TNFRSF8: variants seen among roughly 807,000 people sequenced by gnomAD.
TNFRSF8 encodes TNF receptor superfamily member 8.
Under a neutral mutation model 70.8 loss-of-function variants are expected in TNFRSF8, and 26 were observed. The ratio of observed to expected loss-of-function variants is 0.37; its 90% confidence interval spans 0.27 to 0.51. The LOEUF is 0.51. TNFRSF8 is among the 20% of genes least tolerant of loss of function. The pLI is 0.94. For synonymous variants in TNFRSF8, 356 were observed against 339.2 expected (o/e 1.05, Z -0.54); for missense variants, 720 against 807.9 (o/e 0.89, Z 1.32).
intron 1 of TNFRSF8, among the ~76,000 whole-genome samples, chr1:12,076,084 T>TC (rs1557574912): frequency 8.8e-6 from 1 of 113,440 alleles, no homozygotes; most frequent in Non-Finnish European, 1.8e-5. Flanking sequence ...CTTGGTTTTA[T>TC]TCTTTTTTTT....
intron 3 of TNFRSF8, among the ~76,000 whole-genome samples, chr1:12,099,142 T>C (rs1641377094): frequency 6.6e-6 from 1 of 152,066 alleles, no homozygotes; most frequent in African/African-American, 2.4e-5. Flanking sequence ...CTGTTGCCTA[T>C]ATTTTTGTTT....
chr1:12,092,091 T>A (rs545002737), intron 2 of TNFRSF8, among the ~76,000 whole-genome samples: 3 of 152,268 alleles, frequency 2.0e-5, no homozygotes, highest in African/African-American at 2.4e-5. Context: ...GCAGCATAAC[T>A]CCAATCTTCA....
chr1:12,137,317 T>A (rs546373129), intron 13 of TNFRSF8, among the ~76,000 whole-genome samples: 22 of 99,282 alleles, frequency 2.2e-4, no homozygotes, highest in African/African-American at 5.9e-4. Flanking sequence ...AAGTAAAAAA[T>A]AATAATAATA....
rs142357491 is a variant in TNFRSF8, at chr1:12,135,931, C to T, written c.1335+318C>T. Among the ~76,000 whole-genome samples, 205 of 152,330 alleles carry T rather than the reference C, an allele frequency of 1.3e-3. 1 individual carries two copies. The highest frequency in any genetic ancestry group is 4.5e-3 in the African/African-American group (187 of 41,564). ...GGGAATTTCCAGAAGGGCCTGCACA[C>T]AGTGGATTTGGTTTGGGCCACTTTT... On this transcript the variant is annotated intron_variant, in intron 13 of 14. Transcript: ENST00000263932.
intron 2 of TNFRSF8, among the ~76,000 whole-genome samples, chr1:12,092,800 G>A (rs1298291743): frequency 6.8e-5 from 10 of 147,570 alleles, no homozygotes; most frequent in South Asian, 4.3e-4. Context: ...GAGCCACCGC[G>A]CCCGACCTCT....
intron 3 of TNFRSF8, among the ~76,000 whole-genome samples, chr1:12,099,152 T>C (rs1185137474): frequency 2.0e-5 from 3 of 151,972 alleles, no homozygotes; most frequent in Non-Finnish European, 2.9e-5. Context: ...TATTTTTGTT[T>C]TCTTTTTTTT....
chr1:12,121,189 C>T (rs1404699873), intron 8 of TNFRSF8, among the ~76,000 whole-genome samples: 1 of 152,258 alleles, frequency 6.6e-6, no homozygotes, highest in African/African-American at 2.4e-5. Flanking sequence ...CACATCGCAT[C>T]ATCTTCCCCA....
At chr1:12,083,317 C>T (rs1057496812) in intron 1 of TNFRSF8, among the ~76,000 whole-genome samples, 5 of 152,174 alleles carry the variant, frequency 3.3e-5, no homozygotes, top group African/African-American at 4.8e-5. Context: ...CCAACAAAAG[C>T]GTGTACGTTT....
chr1:12,133,437 C>T (rs983989590), intron 12 of TNFRSF8, among the ~76,000 whole-genome samples: 5 of 151,872 alleles, frequency 3.3e-5, no homozygotes, highest in East Asian at 1.9e-4. Flanking sequence ...GTTTCACTGA[C>T]GTCATTGAAA....
At chr1:12,095,261 G>C (rs1024676081) in intron 2 of TNFRSF8, among the ~76,000 whole-genome samples, 2 of 151,544 alleles carry the variant, frequency 1.3e-5, no homozygotes, top group African/African-American at 4.8e-5. Context: ...TATTTAATGA[G>C]TTTACAAAGA....
At chr1:12,100,593 G>T (rs1641405174) in intron 3 of TNFRSF8, among the ~76,000 whole-genome samples, 1 of 150,020 alleles carries the variant, frequency 6.7e-6, no homozygotes, top group Non-Finnish European at 1.5e-5. Flanking sequence ...AAGCTGAGAC[G>T]CAAACACCTA....
In TNFRSF8 at chr1:12,108,082, A is replaced by AT. The variant is rs1195049433; in HGVS notation, c.422-1470dup. Among the ~76,000 whole-genome samples, 230 of 138,804 alleles carry AT rather than the reference A, an allele frequency of 1.7e-3. 2 individuals carry two copies. The highest frequency in any genetic ancestry group is 0.013 in the South Asian group (55 of 4,348). The allele number at this position is 138,804 out of a possible 152,430, so 91.1% of individuals were successfully genotyped here. ...CACACATACAGGCCACCATTTTTTT[A>AT]TTTTTTTTTTTTTTGTGATGGAGCC... On this transcript the variant is annotated intron_variant, in intron 4 of 14. Transcript: ENST00000263932. The surrounding 1 kb of genome is among the most constrained non-coding windows in gnomAD (Gnocchi z 4.0).
At chr1:12,096,278 C>A (rs937663366) in intron 2 of TNFRSF8, among the ~76,000 whole-genome samples, 1 of 152,028 alleles carries the variant, frequency 6.6e-6, no homozygotes, top group African/African-American at 2.4e-5. Flanking sequence ...TTGTTTATCT[C>A]GAAATCAGGC....
rs1241385524 is a variant in TNFRSF8 at position 12,123,772 on chromosome 1, C to A, written c.1098C>A (p.Ile366=). The A allele has an allele frequency of 3.2e-6, 5 of 1,580,566 alleles. No individual in the cohort carries two copies. The highest frequency in any genetic ancestry group is 4.3e-6 in the Non-Finnish European group (5 of 1,162,918). ...VDSQASKTLP[I]PTSAPVALSS... ...CCCAGGCCAGTAAGACGCTGCCCAT[C>A]CCAACCAGCGCTCCCGTCGCTCTCT... Residue 366 remains isoleucine (I), a synonymous_variant, in exon 10 of 15, where the codon ATC becomes ATA. Transcript: ENST00000263932.
chr1:12,129,586 A>T (rs1642008830), intron 12 of TNFRSF8, among the ~76,000 whole-genome samples: 3 of 152,184 alleles, frequency 2.0e-5, no homozygotes, highest in Admixed American at 2.0e-4. Context: ...TACTGGGAAG[A>T]GCGCAGGCTG....
chr1:12,102,672 T>C (rs751415487), intron 3 of TNFRSF8, among the ~76,000 whole-genome samples: 9 of 151,964 alleles, frequency 5.9e-5, no homozygotes, highest in African/African-American at 7.2e-5. Flanking sequence ...ATTACAGGTG[T>C]GCACCACCAC....
At chr1:12,132,578 C>G (rs1007091389) in intron 12 of TNFRSF8, among the ~76,000 whole-genome samples, 6 of 152,164 alleles carry the variant, frequency 3.9e-5, no homozygotes, top group African/African-American at 1.4e-4. Flanking sequence ...TAGCTCATGC[C>G]TGTAATCCCA....
chr1:12,137,653 C>G (rs1345695162), intron 13 of TNFRSF8, among the ~76,000 whole-genome samples: 2 of 150,940 alleles, frequency 1.3e-5, no homozygotes, highest in African/African-American at 4.9e-5. Flanking sequence ...GGGCTTGTCA[C>G]TTGAACTAAC....
chr1:12,064,610 G>A (rs1473246189), intron 1 of TNFRSF8, among the ~76,000 whole-genome samples: 1 of 152,166 alleles, frequency 6.6e-6, no homozygotes, highest in Non-Finnish European at 1.5e-5. Context: ...AATCCTACAG[G>A]AAGAGAGGAC....
Sources: allele counts gnomAD v4.1 joint callset (sites outside exome capture counted in the v4.1 genomes callset), GRCh38; gene constraint gnomAD v4.1.1; non-coding constraint Gnocchi (gnomAD v3.1); transcripts MANE v1.5; gene names NCBI Gene and HGNC (gene_info 2026-07-23, HGNC 2026-07-21).